TBCD: variants seen among roughly 807,000 people sequenced by gnomAD.
TBCD encodes the protein tubulin-specific chaperone D.
A neutral mutation model predicts 169.3 loss-of-function variants in TBCD; 105 were observed. The ratio of observed to expected loss-of-function variants is 0.62; its 90% CI spans 0.53 to 0.73. TBCD has a LOEUF of 0.73. Among genes scored for constraint, TBCD ranks in the 30% least tolerant of loss-of-function variants. The pLI, the probability that TBCD is intolerant of heterozygous loss-of-function variation, is 0.00. For synonymous variants in TBCD, 700 were observed against 643.9 expected (o/e 1.09, Z -1.32); for missense variants, 1,444 against 1,600.1 (o/e 0.90, Z 1.66).
At chr17:82,909,175 C>G (rs2060445531) in intron 21 of TBCD, 110 bp from the exon 22 acceptor site, 1 of 899,494 alleles carries the variant, frequency 1.1e-6, no homozygotes, top group Admixed American at 2.3e-5. Context: ...TCCTGGCTGG[C>G]ATGGCATCTT....
At chr17:82,916,174 C>G (rs1006343407) in intron 23 of TBCD, among the ~76,000 whole-genome samples, 6 of 152,170 alleles carry the variant, frequency 3.9e-5, no homozygotes, top group Non-Finnish European at 7.3e-5. Flanking sequence ...GGAGAACACT[C>G]TAGTGTTTTC....
At chr17:82,827,863 A>AC (rs1342995143) in intron 13 of TBCD, among the ~76,000 whole-genome samples, 16 of 107,276 alleles carry the variant, frequency 1.5e-4, no homozygotes, top group South Asian at 6.6e-4. Flanking sequence ...ATGCACACAC[A>AC]CCCCCCCACA....
At chr17:82,906,298 C>T (rs933365759) in intron 20 of TBCD, among the ~76,000 whole-genome samples, 5 of 152,202 alleles carry the variant, frequency 3.3e-5, no homozygotes, top group Admixed American at 6.5e-5. Context: ...CCGGATGGGC[C>T]GGGCATCTCC....
chr17:82,858,427 G>A, intron 13 of TBCD: 1 of 260,938 alleles, frequency 3.8e-6, no homozygotes, highest in Non-Finnish European at 6.0e-6. Flanking sequence ...TGTCTTCCGT[G>A]TTTTTGCTAG....
At position 82,806,955 on chromosome 17, in the gene TBCD, G is replaced by A. The variant is rs939526722; in HGVS notation, c.1088-653G>A. Among the ~76,000 whole-genome samples the A allele has an allele frequency of 1.3e-5, 2 of 152,220 alleles. No individual in the cohort carries two copies. Among genetic ancestry groups the A allele is most frequent in the Non-Finnish European group, 2.9e-5 (2 of 67,988 alleles). On this transcript the variant is annotated intron_variant, in intron 10 of 38. Coordinates refer to ENST00000355528, the MANE Select transcript of TBCD (RefSeq NM_005993.5). This position sits in a 1 kb window ranked among gnomAD's most constrained non-coding sequence, Gnocchi z 5.1. ...CGCAGCCTGCCCCAGGTTCATTCCC[G>A]TCTCCCACCCGCTGCAGGCAGTCCC...
At chr17:82,767,170 G>A (rs1279867304) in intron 4 of TBCD, among the ~76,000 whole-genome samples, 1 of 152,146 alleles carries the variant, frequency 6.6e-6, no homozygotes, top group African/African-American at 2.4e-5. Context: ...AGACGGCAGC[G>A]GGGCCTGCTA....
At chr17:82,815,474 G>A (rs988034471) in intron 13 of TBCD, among the ~76,000 whole-genome samples, 1 of 152,238 alleles carries the variant, frequency 6.6e-6, no homozygotes, top group Admixed American at 6.5e-5. Flanking sequence ...TGGGGTGGAG[G>A]GCCAGGGGAG....
rs1412995792 is a variant in TBCD, at chr17:82,942,599, A to G, written c.*136A>G. The G allele has an allele frequency of 8.4e-7, 1 of 1,194,160 alleles. No individual in the cohort carries two copies. 74.0% of individuals were successfully genotyped at this position (1,194,160 alleles called of 1,614,324 possible). On this transcript the variant is annotated 3_prime_UTR_variant, in exon 39 of 39. Transcript: ENST00000355528. Reference sequence around the variant, plus strand: ...GCGCTGGCCCTTGGAGGCTGGCACTAGCTGACAGCTTTTCCTCTCTGCACC... The same window carrying G: ...GCGCTGGCCCTTGGAGGCTGGCACTGGCTGACAGCTTTTCCTCTCTGCACC...
intron 15 of TBCD, among the ~76,000 whole-genome samples, chr17:82,888,242 A>G (rs928378844): frequency 1.3e-5 from 2 of 152,210 alleles, no homozygotes; most frequent in South Asian, 2.1e-4. Flanking sequence ...CTGTTCTGCC[A>G]GCGCACACTG....
intron 13 of TBCD, among the ~76,000 whole-genome samples, chr17:82,846,332 C>CTTG (rs2055104634): frequency 6.6e-6 from 1 of 151,148 alleles, no homozygotes; most frequent in Non-Finnish European, 1.5e-5. Flanking sequence ...GCCGTGTCCT[C>CTTG]TCGTCCAGCC....
intron 9 of TBCD, among the ~76,000 whole-genome samples, chr17:82,803,459 G>A (rs1293219832): frequency 3.3e-5 from 5 of 152,202 alleles, no homozygotes; most frequent in Non-Finnish European, 5.9e-5. Flanking sequence ...AGTGCCCAGG[G>A]ATCCAAGGGA....
chr17:82,801,943 C>T (rs1340902472), intron 9 of TBCD, among the ~76,000 whole-genome samples: 2 of 149,530 alleles, frequency 1.3e-5, no homozygotes, highest in Admixed American at 6.7e-5. Flanking sequence ...TCGGAGTCAG[C>T]GTGGCAGCAG....
At chr17:82,939,288 C>A in intron 36 of TBCD, 79 bp from the exon 37 acceptor site, 1 of 1,183,096 alleles carries the variant, frequency 8.5e-7, no homozygotes, top group Non-Finnish European at 1.2e-6. Flanking sequence ...GACGGGGCTC[C>A]CTGGCCTGGG....
chr17:82,849,602 C>T (rs1484366080), intron 13 of TBCD, among the ~76,000 whole-genome samples: 2 of 152,202 alleles, frequency 1.3e-5, no homozygotes, highest in Non-Finnish European at 2.9e-5. Flanking sequence ...GTGGCACTAG[C>T]AATCACTAGG....
At position 82,927,881 on chromosome 17, in the gene TBCD, C is replaced by G. The variant is rs775494238; in HGVS notation, c.2610-24C>G. 28 of 1,609,020 alleles carry G rather than the reference C, an allele frequency of 1.7e-5. No homozygotes were observed. The South Asian group carries it at 2.4e-4, about 14-fold the overall frequency. On this transcript the variant is annotated intron_variant, in intron 29 of 38. Transcript: ENST00000355528. ...GGAACCCCCCTCTCAAGCTGGGTGT[C>G]TCTGCCTCTCCTTGTCCCATCAGGG... is the stretch of plus-strand genomic sequence containing the variant.
Position 82,752,183 on chromosome 17 carries a change from A to G in TBCD, c.-11A>G. On this transcript the variant is annotated 5_prime_UTR_variant, in exon 1 of 39. Coordinates refer to ENST00000355528, the MANE Select transcript of TBCD (RefSeq NM_005993.5). ...CACGTGAGGCGGGGGCGCGGTCCCC[A>G]GGCTGCCGAGATGGCCCTGAGCGAC... is the stretch of plus-strand genomic sequence containing the variant. 6.6e-7 allele frequency: 1 copy of G among 1,510,252 alleles called. No homozygotes were observed. Among genetic ancestry groups the G allele is most frequent in the East Asian group, 2.8e-5 (1 of 36,026 alleles). The allele number at this position is 1,510,252 out of a possible 1,614,324, so 93.6% of individuals were successfully genotyped here.
chr17:82,938,455 T>C (rs1022787135), intron 36 of TBCD, among the ~76,000 whole-genome samples: 4 of 152,214 alleles, frequency 2.6e-5, no homozygotes, highest in African/African-American at 9.7e-5. Flanking sequence ...GGCAGTGCCC[T>C]TCATCCCCAG....
In TBCD at chr17:82,832,773, C is replaced by G. The variant is rs2053630351; in HGVS notation, c.1318+17839C>G. The G allele has an allele frequency of 4.6e-6, 2 of 435,212 alleles. No individual in the cohort carries two copies. Among genetic ancestry groups the G allele is most frequent in the South Asian group, 4.6e-5 (2 of 43,890 alleles). The allele number at this position is 435,212 out of a possible 1,614,324, so 27.0% of individuals were successfully genotyped here. On this transcript the variant is annotated intron_variant, in intron 13 of 38. Transcript: ENST00000355528. This position sits in a 1 kb window ranked among gnomAD's most constrained non-coding sequence, Gnocchi z 4.9. ...TGAAACTGCCTGCTCCTGAGGGGAG[C>G]AGCTGCCGGTCACAGAAGCAGCCCT... is the stretch of plus-strand genomic sequence containing the variant.
intron 6 of TBCD, among the ~76,000 whole-genome samples, chr17:82,780,800 A>T (rs1456181950): frequency 6.6e-6 from 1 of 151,742 alleles, no homozygotes; most frequent in East Asian, 2.0e-4. Context: ...GCACAGCACC[A>T]CACCCGGCTA....
Sources: gnomAD v4.1 joint callset for allele counts (sites outside exome capture counted in the v4.1 genomes callset) on GRCh38, gnomAD v4.1.1 for gene constraint, Gnocchi (gnomAD v3.1) non-coding constraint, MANE v1.5 for transcripts, NCBI Gene and HGNC (gene_info 2026-07-23, HGNC 2026-07-21) for gene names.